STRC: variants seen among roughly 807,000 people sequenced by gnomAD.
STRC encodes the protein stereocilin.
STRC carries 43 observed loss-of-function variants against 103.5 expected under a neutral mutation model. That is an observed-to-expected ratio of 0.42 (90% CI 0.33 to 0.54). The LOEUF is 0.54. STRC is among the 20% of genes least tolerant of loss of function. The probability of loss-of-function intolerance (pLI) is 0.14; values close to 1 mark genes in which losing one functional copy is unlikely to be tolerated. For missense variants in STRC, 499 were observed against 1,088.5 expected (o/e 0.46, Z 7.62); for synonymous variants, 186 against 442.3 (o/e 0.42, Z 7.27).
intron 22 of STRC, 165 bp from the exon 23 acceptor site, chr15:43,603,576 T>A (rs1595958639): frequency 1.3e-6 from 1 of 799,668 alleles, no homozygotes. Context: ...TAGGAGATAA[T>A]AGAACAAGAA....
chr15:43,600,960 G>C lies in STRC; in HGVS notation c.4756C>G (p.Leu1586Val), dbSNP rs530869601. 6.2e-7 allele frequency: 1 copy of C among 1,601,854 alleles called. No homozygotes were observed. The highest frequency in any genetic ancestry group is 2.3e-5 in the East Asian group (1 of 44,150). Reference sequence around the variant, plus strand: ...AGCGCTGTCAGATGAACGAAGTCCAGGTGGCTCACATGCCGACCACTCTGC... The same window carrying C: ...AGCGCTGTCAGATGAACGAAGTCCACGTGGCTCACATGCCGACCACTCTGC... Reference protein sequence around the residue: ...LRQSGRHVSHLDFVHLTALGY... With the variant: ...LRQSGRHVSHVDFVHLTALGY... The change falls in exon 25 of 29, where the codon CTG becomes GTG. Residue 1586 changes from leucine to valine, a missense_variant. By Grantham distance (32) the Leu-to-Val change is conservative. Transcript: ENST00000450892.
At position 43,607,991 on chromosome 15, in the gene STRC, G is replaced by A. The variant is rs767644384; in HGVS notation, c.3682-16C>T. 10 of 1,610,856 alleles carry A rather than the reference G, an allele frequency of 6.2e-6. No homozygotes were observed. The highest frequency in any genetic ancestry group is 8.5e-6 in the Non-Finnish European group (10 of 1,179,508). On this transcript the variant is annotated splice_polypyrimidine_tract_variant and intron_variant, in intron 17 of 28. Transcript: ENST00000450892. ...TACAGGCCCTCTGTAGGGAAGCAGT[G>A]TGAGGCCAGAGCAGAACATAGGAGC...
At chr15:43,605,054 C>T (rs908555134) in intron 19 of STRC, 6 of 911,522 alleles carry the variant, frequency 6.6e-6, no homozygotes, top group Admixed American at 2.4e-5. Flanking sequence ...AGAGATTTCT[C>T]GGACTCCAAG....
rs759396134 is a variant in STRC, at chr15:43,609,267, G to C, written c.3557+9C>G. 1 of 1,610,192 alleles carries C rather than the reference G, an allele frequency of 6.2e-7. No individual in the cohort carries two copies. The highest frequency in any genetic ancestry group is 8.5e-7 in the Non-Finnish European group (1 of 1,179,124). On this transcript the variant is annotated intron_variant, in intron 16 of 28. Transcript: ENST00000450892. ...GAATTCAGCGCACTGCTCAACACAA[G>C]TTACTCACTGCAGATTCCTGAGGGT...
chr15:43,604,188 G>A, intron 21 of STRC, 36 bp from the exon 22 acceptor site: 1 of 1,606,924 alleles, frequency 6.2e-7, no homozygotes, highest in Non-Finnish European at 8.5e-7. Context: ...GGGGAGATCT[G>A]GACAGATCAG....
Position 43,602,640 on chromosome 15 carries a change from C to CTT in STRC, c.4545+600_4545+601dup, listed in dbSNP as rs869119412. Reference sequence around the variant, plus strand: ...TAACACGCAAATTCATGAAGCATGCCTTTTTTTTTTTTTTTTTTTTTTGAG... The same window carrying CTT: ...TAACACGCAAATTCATGAAGCATGCCTTTTTTTTTTTTTTTTTTTTTTTTGAG... On this transcript the variant is annotated intron_variant, in intron 23 of 28. Transcript: ENST00000450892. 419 of 126,378 alleles carry CTT rather than the reference C, an allele frequency of 3.3e-3. 1 individual carries two copies. The highest frequency in any genetic ancestry group is 4.8e-3 in the African/African-American group (145 of 30,448). The allele number at this position is 126,378 out of a possible 1,614,324, so 7.8% of individuals were successfully genotyped here.
At chr15:43,603,126 A>T in intron 23 of STRC, 116 bp downstream of exon 23, 1 of 1,133,690 alleles carries the variant, frequency 8.8e-7, no homozygotes, top group Non-Finnish European at 1.3e-6. Flanking sequence ...AAATCTTCTA[A>T]CTCTTCTATC....
chr15:43,601,705 C>A lies in STRC; in HGVS notation c.4546-154G>T. ...CCTCCACTATAAAATGAGACCGTTG[C>A]CTTACAGTTCCTCTAAGGTGTTTTG... On this transcript the variant is annotated intron_variant, in intron 23 of 28. Transcript: ENST00000450892. 2 of 748,664 alleles carry A rather than the reference C, an allele frequency of 2.7e-6. 1 individual carries two copies. Among genetic ancestry groups the A allele is most frequent in the Non-Finnish European group, 4.5e-6 (2 of 439,590 alleles). The allele number at this position is 748,664 out of a possible 1,614,324, so 46.4% of individuals were successfully genotyped here.
At position 43,610,093 on chromosome 15, in the gene STRC, G is replaced by A. The variant is rs533530960; in HGVS notation, c.3498+219C>T. On this transcript the variant is annotated intron_variant, in intron 15 of 28. Coordinates refer to ENST00000450892, the MANE Select transcript of STRC (RefSeq NM_153700.2). Reference sequence around the variant, plus strand: ...ACCACCTGTCGTCCTAGCTATTCAGGAGGCTGAGGCAGAAAGATTGCCTGA... The same window carrying A: ...ACCACCTGTCGTCCTAGCTATTCAGAAGGCTGAGGCAGAAAGATTGCCTGA... 1.1e-4 allele frequency: 89 copies of A among 809,404 alleles called. No individual in the cohort carries two copies. The Admixed American group carries it at 1.6e-3, about 15-fold the overall frequency. 50.1% of individuals were successfully genotyped at this position (809,404 alleles called of 1,614,324 possible). A position where few individuals can be genotyped will look rare whatever the true frequency, so the allele number is the denominator to read the frequency against.
chr15:43,603,212 G>A (rs773092822), intron 23 of STRC, 30 bp downstream of exon 23: 1 of 1,610,852 alleles, frequency 6.2e-7, no homozygotes, highest in South Asian at 1.1e-5. Context: ...CTTCCTCATG[G>A]CCAACCCCAG....
chr15:43,611,097 C>G (rs919085228), intron 13 of STRC, 51 bp downstream of exon 13: 42 of 1,521,720 alleles, frequency 2.8e-5, no homozygotes, highest in Non-Finnish European at 3.6e-5. Context: ...TCCTCCCAAC[C>G]AGAAAGAGCC....
Position 43,605,521 on chromosome 15 carries a change from C to T in STRC, c.3795-122G>A. ...CCAGACCAAATTTAGTGAAGCTGGACAGGAACTGATAGTAAACAGCTCCAG... is the reference window on the plus strand; with the variant it reads ...CCAGACCAAATTTAGTGAAGCTGGATAGGAACTGATAGTAAACAGCTCCAG... On this transcript the variant is annotated intron_variant, in intron 18 of 28. Coordinates refer to ENST00000450892, the MANE Select transcript of STRC (RefSeq NM_153700.2). 9 of 1,514,774 alleles carry T rather than the reference C, an allele frequency of 5.9e-6. 1 individual carries two copies. The highest frequency in any genetic ancestry group is 8.0e-6 in the Non-Finnish European group (9 of 1,121,390). 93.8% of individuals were successfully genotyped at this position (1,514,774 alleles called of 1,614,324 possible). A position where few individuals can be genotyped will look rare whatever the true frequency, so the allele number is the denominator to read the frequency against.
Position 43,618,210 on chromosome 15 carries a change from C to CCT in STRC, c.210_211insAG (p.Glu71ArgfsTer11). The CCT allele has an allele frequency of 1.3e-6, 1 of 764,348 alleles. No homozygotes were observed. The highest frequency in any genetic ancestry group is 2.1e-6 in the Non-Finnish European group (1 of 473,838). The allele number at this position is 764,348 out of a possible 1,614,324, so 47.3% of individuals were successfully genotyped here. A position where few individuals can be genotyped will look rare whatever the true frequency, so the allele number is the denominator to read the frequency against. ...GGTCCTTCCCCCATTCTCCCAGGCT[C>CCT]AAAGGAAGAAGAAATGTTGGCCAGG... On this transcript the variant is annotated frameshift_variant, in exon 2 of 29. Transcript: ENST00000450892. LOFTEE classifies it high-confidence loss of function.
At chr15:43,604,502 A>C in intron 20 of STRC, 51 bp from the exon 21 acceptor site, 1 of 1,578,650 alleles carries the variant, frequency 6.3e-7, no homozygotes, top group Non-Finnish European at 8.6e-7. Flanking sequence ...AACTGTGAGG[A>C]AAAGGAAGGG....
Position 43,605,309 on chromosome 15 carries a change from G to A in STRC, c.3885C>T (p.Thr1295=), listed in dbSNP as rs2085704046. The change falls in exon 19 of 29, where the codon ACC becomes ACT. Residue 1295 remains threonine, a synonymous_variant. Coordinates refer to ENST00000450892, the MANE Select transcript of STRC (RefSeq NM_153700.2). ...CTGCCAGGGCTGCCTGGTGGAGGGG[G>A]GTCAGTGCCAGCAGCTGCTCTGGAG... ...QRAPEQLLAL[T]PLHQAALAER... The A allele has an allele frequency of 3.8e-6, 6 of 1,591,760 alleles. No homozygotes were observed. The East Asian group carries it at 1.1e-4, about 30-fold the overall frequency.
intron 23 of STRC, among the ~76,000 whole-genome samples, chr15:43,603,020 C>G (rs1006354093): frequency 6.6e-6 from 1 of 151,836 alleles, no homozygotes; most frequent in African/African-American, 2.4e-5. Context: ...TCGTGATATG[C>G]ATTAAAATTT....
chr15:43,602,121 C>CAA (rs35561492), intron 23 of STRC, among the ~76,000 whole-genome samples: 2,414 of 37,558 alleles, frequency 0.064, 318 homozygotes, highest in East Asian at 0.16. Flanking sequence ...GACTCTGTCT[C>CAA]AAAAAAAAAA....
intron 25 of STRC, 80 bp downstream of exon 25, chr15:43,600,792 C>T: frequency 6.2e-7 from 1 of 1,613,116 alleles, no homozygotes; most frequent in African/African-American, 1.3e-5. Context: ...CTCCATGGGA[C>T]CAGACCTTCA....
chr15:43,602,066 G>A (rs1390452645), intron 23 of STRC, among the ~76,000 whole-genome samples: 6 of 124,730 alleles, frequency 4.8e-5, no homozygotes, highest in Non-Finnish European at 9.4e-5. Flanking sequence ...AGTGAGCCAA[G>A]ATCACACCAC....
Sources: gnomAD v4.1 joint callset for allele counts (sites outside exome capture counted in the v4.1 genomes callset) on GRCh38, gnomAD v4.1.1 for gene constraint, MANE v1.5 for transcripts, NCBI Gene and HGNC (gene_info 2026-07-23, HGNC 2026-07-21) for gene names.